NANOS3: variants seen among roughly 807,000 people sequenced by gnomAD.
NANOS3 encodes nanos C2HC-type zinc finger 3, also known as nanos homolog 3.
Under a neutral mutation model 13.8 loss-of-function variants are expected in NANOS3, and 11 were observed. The observed-to-expected ratio is 0.80, with a 90% CI of 0.50 to 1.32. The LOEUF is 1.32. Ranked by LOEUF, NANOS3 falls within the 40% of genes most tolerant of loss-of-function variation. The pLI is 0.00. For synonymous variants in NANOS3, 119 were observed against 115.4 expected (o/e 1.03, Z -0.20); for missense variants, 221 against 263.8 (o/e 0.84, Z 1.12).
intron 1 of NANOS3, among the ~76,000 whole-genome samples, 182 bp from the exon 2 acceptor site, chr19:13,880,260 G>T (rs193028452): frequency 6.6e-6 from 1 of 152,088 alleles, no homozygotes. Flanking sequence ...GCTTTGTCTC[G>T]GGCTCTGGGT....
At chr19:13,875,435 C>T (rs991965107), upstream of NANOS3, among the ~76,000 whole-genome samples, 1 of 151,854 alleles carries the variant, frequency 6.6e-6, no homozygotes, top group Non-Finnish European at 1.5e-5. Context: ...AATCCTCCCC[C>T]CTCGGCCTCC....
upstream of NANOS3, among the ~76,000 whole-genome samples, chr19:13,876,301 G>A (rs1239902248): frequency 7.5e-6 from 1 of 132,544 alleles, no homozygotes; most frequent in East Asian, 2.1e-4. Flanking sequence ...ACCATGCCCA[G>A]CTAATTTTGT....
At chr19:13,874,488 G>A, upstream of NANOS3, among the ~76,000 whole-genome samples, 1 of 152,152 alleles carries the variant, frequency 6.6e-6, no homozygotes, top group Non-Finnish European at 1.5e-5. Flanking sequence ...GCACTCCCCT[G>A]CACTGCTACA....
chr19:13,867,231 G>A (rs1055414208), intron 1 of NANOS3, among the ~76,000 whole-genome samples: 2 of 152,024 alleles, frequency 1.3e-5, no homozygotes, highest in Non-Finnish European at 2.9e-5. Flanking sequence ...GTGAACCGCC[G>A]CACCCGGCCA....
intron 1 of NANOS3, among the ~76,000 whole-genome samples, chr19:13,879,070 G>T (rs1016096328): frequency 6.6e-6 from 1 of 152,104 alleles, no homozygotes; most frequent in Admixed American, 6.5e-5. Context: ...CTCCCGAGTA[G>T]CTGGGATTAC....
At chr19:13,874,837 T>C (rs920050349), upstream of NANOS3, 1 of 527,728 alleles carries the variant, frequency 1.9e-6, no homozygotes, top group Non-Finnish European at 3.9e-6. Flanking sequence ...CTTCCAGATC[T>C]AGGGGGGCCT....
At chr19:13,865,552 G>C (rs1254987315) in intron 1 of NANOS3, 1 of 146,330 alleles carries the variant, frequency 6.8e-6, no homozygotes, top group South Asian at 2.1e-4. Context: ...GCACCTGCTC[G>C]CAGCCCCGGG....
At chr19:13,867,952 C>T (rs1471071954) in intron 1 of NANOS3, among the ~76,000 whole-genome samples, 3 of 152,172 alleles carry the variant, frequency 2.0e-5, no homozygotes, top group East Asian at 3.8e-4. Context: ...GTAACACATG[C>T]ATACACACTG....
chr19:13,866,348 TCCC>T (rs1294840445), intron 1 of NANOS3, among the ~76,000 whole-genome samples: 1 of 144,722 alleles, frequency 6.9e-6, no homozygotes, highest in African/African-American at 2.6e-5. Flanking sequence ...TCGGTTCCCC[TCCC>T]CCCATCTCTT....
At chr19:13,877,909 G>C in intron 1 of NANOS3, 144 bp downstream of exon 1, 1 of 1,402,166 alleles carries the variant, frequency 7.1e-7, no homozygotes, top group Non-Finnish European at 9.3e-7. Context: ...TTTTATTTAC[G>C]TATTTATTTA....
chr19:13,868,928 C>T (rs1976283034), intron 1 of NANOS3, among the ~76,000 whole-genome samples: 1 of 152,114 alleles, frequency 6.6e-6, no homozygotes, highest in African/African-American at 2.4e-5. Flanking sequence ...AACTTACACA[C>T]ACACGCACAC....
At chr19:13,866,240 C>T (rs1232891217) in intron 1 of NANOS3, among the ~76,000 whole-genome samples, 1 of 152,096 alleles carries the variant, frequency 6.6e-6, no homozygotes, top group Non-Finnish European at 1.5e-5. Flanking sequence ...GCGCCTTTCA[C>T]GGCGACCTGC....
At chr19:13,880,295 C>G in intron 1 of NANOS3, 147 bp from the exon 2 acceptor site, 1 of 688,164 alleles carries the variant, frequency 1.5e-6, no homozygotes, top group Admixed American at 2.6e-5. Flanking sequence ...CCGGCGGAGC[C>G]AGAGACGTCA....
upstream of NANOS3, chr19:13,875,037 A>G (rs755542005): frequency 2.9e-5 from 13 of 442,048 alleles, no homozygotes. Flanking sequence ...CCACCGCCAC[A>G]GTCACTCAGC....
chr19:13,878,319 A>C (rs1216012648), intron 1 of NANOS3, among the ~76,000 whole-genome samples: 1 of 151,810 alleles, frequency 6.6e-6, no homozygotes, highest in Non-Finnish European at 1.5e-5. Context: ...GCTCACTGCA[A>C]CCTCTGCCTT....
intron 1 of NANOS3, among the ~76,000 whole-genome samples, chr19:13,867,611 G>A (rs1303593301): frequency 6.6e-6 from 1 of 151,952 alleles, no homozygotes. Context: ...ACCCAGACTG[G>A]AGTTCAGTGG....
chr19:13,875,048 C>G (rs756818360), upstream of NANOS3: 2 of 434,044 alleles, frequency 4.6e-6, no homozygotes, highest in South Asian at 3.6e-5. Flanking sequence ...GTCACTCAGC[C>G]TGTTTTTTGC....
chr19:13,874,441 C>G (rs1283975026), upstream of NANOS3, among the ~76,000 whole-genome samples: 1 of 152,208 alleles, frequency 6.6e-6, no homozygotes, highest in African/African-American at 2.4e-5. Flanking sequence ...CCTCCAGGAT[C>G]ACTTTGTGAA....
At chr19:13,875,824 T>G (rs1437101506), upstream of NANOS3, among the ~76,000 whole-genome samples, 1 of 152,108 alleles carries the variant, frequency 6.6e-6, no homozygotes, top group Non-Finnish European at 1.5e-5. Flanking sequence ...CCACAGTGCC[T>G]GGCCAATAAA....
Sources: gnomAD v4.1 joint callset for allele counts (sites outside exome capture counted in the v4.1 genomes callset) on GRCh38, gnomAD v4.1.1 for gene constraint, MANE v1.5 for transcripts, NCBI Gene and HGNC (gene_info 2026-07-23, HGNC 2026-07-21) for gene names.